GRIN2B: variants seen among roughly 807,000 people sequenced by gnomAD.
GRIN2B encodes the protein glutamate receptor ionotropic, NMDA 2B.
In GRIN2B, 5 loss-of-function variants were observed where a neutral mutation model predicts 114.5. That is an observed-to-expected ratio of 0.04 (90% CI 0.02 to 0.09). The LOEUF (loss-of-function observed/expected upper bound fraction) is 0.09. GRIN2B is among the 10% of genes least tolerant of loss of function. The pLI is 1.00. For synonymous variants in GRIN2B, 787 were observed against 745.1 expected, an observed-to-expected ratio of 1.06 and a Z score of -0.92; for missense variants, 1,108 against 1,943.5, an observed-to-expected ratio of 0.57 and a Z score of 8.08.
At chr12:13,630,945 G>A (rs769677397) in intron 5 of GRIN2B, among the ~76,000 whole-genome samples, 5 of 152,146 alleles carry the variant, frequency 3.3e-5, no homozygotes, top group African/African-American at 1.2e-4. Flanking sequence ...GGTGGAAAGC[G>A]AAGGGGAAGT....
At chr12:13,646,093 C>T (rs1949759437) in intron 5 of GRIN2B, among the ~76,000 whole-genome samples, 1 of 152,064 alleles carries the variant, frequency 6.6e-6, no homozygotes, top group Non-Finnish European at 1.5e-5. Flanking sequence ...ACAGCTGCTA[C>T]CTGGAACAAA....
rs1385282412 is a variant in GRIN2B at position 13,563,779 on chromosome 12, G to T, written c.3459C>A (p.Asp1153Glu). ...SPHWEHVDLT[D>E]IYKERSDDFK... Reference sequence around the variant, plus strand: ...AGTCATCACTCCGCTCCTTGTAGATGTCGGTCAGGTCTACGTGCTCCCAGT... The same window carrying T: ...AGTCATCACTCCGCTCCTTGTAGATTTCGGTCAGGTCTACGTGCTCCCAGT... The change falls in exon 14 of 14, where the codon GAC becomes GAA. Residue 1153 changes from aspartate to glutamate, a missense_variant. Physicochemically the swap from Asp to Glu is conservative, Grantham distance 45. Around this residue, in one of 19 missense-constraint regions of GRIN2B, gnomAD observed 478 missense variants for 506.0 expected, o/e 0.94. Coordinates refer to ENST00000609686, the MANE Select transcript of GRIN2B (RefSeq NM_000834.5). 1 of 1,612,876 alleles carries T rather than the reference G, an allele frequency of 6.2e-7. No individual in the cohort carries two copies. The highest frequency in any genetic ancestry group is 1.7e-5 in the Admixed American group (1 of 59,924).
chr12:13,641,942 C>T (rs999104203), intron 5 of GRIN2B, among the ~76,000 whole-genome samples: 12 of 152,100 alleles, frequency 7.9e-5, no homozygotes, highest in African/African-American at 2.7e-4. Context: ...AATCCCAGAA[C>T]TTTGGGAGGC....
At chr12:13,801,874 T>C (rs1292423255) in intron 3 of GRIN2B, among the ~76,000 whole-genome samples, 2 of 152,110 alleles carry the variant, frequency 1.3e-5, no homozygotes, top group Non-Finnish European at 2.9e-5. Context: ...TGCTCTGAGC[T>C]CTATACACTT....
At chr12:13,656,557 G>A in intron 5 of GRIN2B, among the ~76,000 whole-genome samples, 1 of 152,188 alleles carries the variant, frequency 6.6e-6, no homozygotes, top group East Asian at 1.9e-4. Context: ...GCTCTAGGTT[G>A]TTATTACTGA....
At chr12:13,931,803 T>A (rs758841238) in intron 2 of GRIN2B, among the ~76,000 whole-genome samples, 2 of 152,156 alleles carry the variant, frequency 1.3e-5, no homozygotes, top group Non-Finnish European at 2.9e-5. Flanking sequence ...CATCCCTCCA[T>A]ATGCAACCTC....
At chr12:13,807,278 A>G (rs1261395780) in intron 3 of GRIN2B, among the ~76,000 whole-genome samples, 1 of 152,058 alleles carries the variant, frequency 6.6e-6, no homozygotes, top group Non-Finnish European at 1.5e-5. Context: ...CCGTGCTGTG[A>G]TTCTCCTGAT....
At chr12:13,956,170 G>A (rs1030782244) in intron 2 of GRIN2B, among the ~76,000 whole-genome samples, 1 of 152,166 alleles carries the variant, frequency 6.6e-6, no homozygotes, top group Non-Finnish European at 1.5e-5. Context: ...TGTGTCAAGG[G>A]CACTAAGTGT....
chr12:13,888,286 T>A (rs953193202), intron 2 of GRIN2B, among the ~76,000 whole-genome samples: 1 of 152,210 alleles, frequency 6.6e-6, no homozygotes, highest in Non-Finnish European at 1.5e-5. Flanking sequence ...ACCTAGGCTC[T>A]GTGGTATAGT....
chr12:13,600,749 G>A (rs1161190952), intron 10 of GRIN2B, among the ~76,000 whole-genome samples: 4 of 152,146 alleles, frequency 2.6e-5, no homozygotes, highest in African/African-American at 7.2e-5. Context: ...AATTCCCTTC[G>A]ATAAGGACAT....
intron 4 of GRIN2B, chr12:13,683,681 T>C (rs1385281143): frequency 1.3e-5 from 2 of 153,938 alleles, no homozygotes; most frequent in African/African-American, 4.8e-5. Context: ...GCAGGCTCAG[T>C]GGAAGAGGAT....
intron 13 of GRIN2B, 52 bp downstream of exon 13, chr12:13,566,973 C>G: frequency 8.0e-7 from 1 of 1,254,620 alleles, no homozygotes; most frequent in Admixed American, 1.7e-5. Flanking sequence ...TTGCACAGTG[C>G]TAGGCTAAGC....
intron 10 of GRIN2B, among the ~76,000 whole-genome samples, chr12:13,595,523 T>C (rs140178339): frequency 1.3e-5 from 2 of 152,314 alleles, no homozygotes; most frequent in African/African-American, 4.8e-5. Context: ...TGACCTTCTA[T>C]ATCAGGGGCC....
intron 3 of GRIN2B, among the ~76,000 whole-genome samples, chr12:13,848,972 C>G (rs567537821): frequency 5.9e-5 from 9 of 152,248 alleles, no homozygotes; most frequent in African/African-American, 2.2e-4. Context: ...CTTTCATTGA[C>G]CAGTGAGACT....
At chr12:13,620,694 G>T (rs1375701866) in intron 5 of GRIN2B, among the ~76,000 whole-genome samples, 1 of 152,094 alleles carries the variant, frequency 6.6e-6, no homozygotes, top group East Asian at 1.9e-4. Flanking sequence ...TAGGTGTGTG[G>T]CATTCTGAGG....
chr12:13,742,391 C>G (rs1326972559), intron 4 of GRIN2B, among the ~76,000 whole-genome samples: 1 of 152,146 alleles, frequency 6.6e-6, no homozygotes, highest in African/African-American at 2.4e-5. Context: ...AGTTGTCTAC[C>G]AAAGATATGG....
At chr12:13,856,889 C>T (rs981197770) in intron 3 of GRIN2B, among the ~76,000 whole-genome samples, 1 of 152,166 alleles carries the variant, frequency 6.6e-6, no homozygotes, top group African/African-American at 2.4e-5. Context: ...AGGCCCAAAT[C>T]CAAGTGCTTA....
At chr12:13,594,741 G>C (rs962534754) in intron 10 of GRIN2B, among the ~76,000 whole-genome samples, 1 of 151,786 alleles carries the variant, frequency 6.6e-6, no homozygotes, top group Non-Finnish European at 1.5e-5. Flanking sequence ...TGGAGTGGCT[G>C]CTTGTCTAGG....
chr12:13,629,335 C>T (rs1373914212), intron 5 of GRIN2B, among the ~76,000 whole-genome samples: 2 of 152,286 alleles, frequency 1.3e-5, no homozygotes, highest in East Asian at 3.9e-4. Flanking sequence ...CACGGAAATG[C>T]TTTTCTTCAG....
Sources: gnomAD v4.1 joint callset for allele counts (sites outside exome capture counted in the v4.1 genomes callset) on GRCh38, gnomAD v4.1.1 for gene constraint, gnomAD v4.1.1 regional missense constraint, MANE v1.5 for transcripts, NCBI Gene and HGNC (gene_info 2026-07-23, HGNC 2026-07-21) for gene names.